WDFY4: variants seen among roughly 807,000 people sequenced by gnomAD.
The protein encoded by WDFY4 is WD repeat- and FYVE domain-containing protein 4.
WDFY4 carries 169 observed loss-of-function variants against 351.9 expected under a neutral mutation model. The ratio of observed to expected loss-of-function variants is 0.48; its 90% confidence interval spans 0.42 to 0.55. The LOEUF is 0.55. WDFY4 is among the 20% of genes least tolerant of loss of function. WDFY4 has a pLI of 0.00. For missense variants in WDFY4, 3,803 were observed against 3,935.6 expected, an observed-to-expected ratio of 0.97 and a Z score of 0.90; for synonymous variants, 1,622 against 1,574.6, an observed-to-expected ratio of 1.03 and a Z score of -0.71.
At chr10:48,750,364 TG>T (rs1039418022) in intron 12 of WDFY4, among the ~76,000 whole-genome samples, 4 of 152,230 alleles carry the variant, frequency 2.6e-5, no homozygotes, top group Admixed American at 1.3e-4. Context: ...CACACAGTTC[TG>T]GGGGTCCTGC....
chr10:48,820,108 C>T (rs892560216), intron 32 of WDFY4, 126 bp from the exon 33 acceptor site: 6 of 1,081,322 alleles, frequency 5.5e-6, no homozygotes, highest in Non-Finnish European at 8.1e-6. Context: ...CTTTCCTGTG[C>T]GGAGCCTCAA....
intron 47 of WDFY4, among the ~76,000 whole-genome samples, chr10:48,905,106 G>T (rs1837551413): frequency 6.6e-6 from 1 of 152,198 alleles, no homozygotes; most frequent in South Asian, 2.1e-4. Flanking sequence ...ATTCTGTAAT[G>T]TCACTCAGTG....
chr10:48,847,273 G>C (rs1406057958), intron 39 of WDFY4, among the ~76,000 whole-genome samples: 1 of 152,126 alleles, frequency 6.6e-6, no homozygotes, highest in Non-Finnish European at 1.5e-5. Context: ...CGTAGGATTA[G>C]GGCCCATCCT....
intron 12 of WDFY4, among the ~76,000 whole-genome samples, chr10:48,754,134 T>A (rs1030204947): frequency 6.6e-6 from 1 of 152,170 alleles, no homozygotes; most frequent in African/African-American, 2.4e-5. Flanking sequence ...TGACATATAA[T>A]CCTTTTAATA....
intron 39 of WDFY4, among the ~76,000 whole-genome samples, chr10:48,847,443 T>C (rs927061532): frequency 2.0e-5 from 3 of 152,182 alleles, no homozygotes; most frequent in Non-Finnish European, 4.4e-5. Flanking sequence ...CAGGGAAAGA[T>C]GTTTGCATGG....
chr10:48,697,421 A>G (rs1044797929), intron 1 of WDFY4, among the ~76,000 whole-genome samples: 4 of 152,200 alleles, frequency 2.6e-5, no homozygotes, highest in Admixed American at 2.0e-4. Flanking sequence ...GCCAACACTT[A>G]CACATGGCGC....
At chr10:48,866,003 C>A (rs955407130) in intron 39 of WDFY4, among the ~76,000 whole-genome samples, 5 of 151,906 alleles carry the variant, frequency 3.3e-5, no homozygotes, top group African/African-American at 1.2e-4. Context: ...CTAAAGACTG[C>A]CAATTTTATC....
chr10:48,849,888 G>C (rs2068900284), intron 39 of WDFY4, among the ~76,000 whole-genome samples: 1 of 152,130 alleles, frequency 6.6e-6, no homozygotes, highest in African/African-American at 2.4e-5. Context: ...AGTCTTCTCT[G>C]GTTTGTGACA....
chr10:48,934,864 G>A (rs1840255086), intron 47 of WDFY4, among the ~76,000 whole-genome samples: 1 of 152,122 alleles, frequency 6.6e-6, no homozygotes, highest in African/African-American at 2.4e-5. Flanking sequence ...AGAGGATCCC[G>A]TGTGATCCCC....
intron 8 of WDFY4, among the ~76,000 whole-genome samples, chr10:48,730,457 G>A (rs927231921): frequency 6.6e-6 from 1 of 152,236 alleles, no homozygotes; most frequent in Admixed American, 6.5e-5. Flanking sequence ...GCTGGAGGCA[G>A]GGAGCTTTCT....
chr10:48,941,605 C>A (rs967135391), intron 47 of WDFY4, among the ~76,000 whole-genome samples: 2 of 152,180 alleles, frequency 1.3e-5, no homozygotes, highest in African/African-American at 4.8e-5. Context: ...AAGAACCTAA[C>A]CTTCAGCAGG....
At chr10:48,710,980 G>A (rs2063754406) in intron 2 of WDFY4, among the ~76,000 whole-genome samples, 1 of 152,166 alleles carries the variant, frequency 6.6e-6, no homozygotes, top group Non-Finnish European at 1.5e-5. Context: ...CTATGGATTT[G>A]GGGTTATTTT....
chr10:48,797,720 G>A (rs1475322918), intron 24 of WDFY4, among the ~76,000 whole-genome samples: 1 of 152,070 alleles, frequency 6.6e-6, no homozygotes, highest in East Asian at 1.9e-4. Context: ...TATAAATTGT[G>A]TTATAGATGG....
intron 24 of WDFY4, among the ~76,000 whole-genome samples, chr10:48,801,872 G>A (rs2067099043): frequency 6.6e-6 from 1 of 152,070 alleles, no homozygotes; most frequent in Non-Finnish European, 1.5e-5. Flanking sequence ...CAAAGTCATG[G>A]GTAACTGCTT....
chr10:48,877,083 G>A lies in WDFY4; in HGVS notation c.7051G>A (p.Asp2351Asn). 1 of 1,540,252 alleles carries A rather than the reference G, an allele frequency of 6.5e-7. No homozygotes were observed. Among genetic ancestry groups the A allele is most frequent in the Non-Finnish European group, 8.8e-7 (1 of 1,140,522 alleles). The change falls in exon 43 of 62, where the codon GAC becomes AAC. Residue 2351 changes from aspartate (D) to asparagine (N), a missense_variant. By Grantham distance (23) the Asp-to-Asn change is conservative. Around this residue, in one of 3 missense-constraint regions of WDFY4, gnomAD observed 3,054 missense variants for 3,148.6 expected, o/e 0.97. Coordinates refer to ENST00000325239, the MANE Select transcript of WDFY4 (RefSeq NM_001394531.1). ...AEGEPDEVGV[D>N]CTQLTFFPAL... ...GGGCGAGCCGGACGAGGTGGGGGTG[G>A]ACTGCACCCAGCTGACCTTCTTCCC...
At chr10:48,810,211 C>T (rs988458389) in intron 28 of WDFY4, among the ~76,000 whole-genome samples, 8 of 152,186 alleles carry the variant, frequency 5.3e-5, no homozygotes, top group African/African-American at 1.9e-4. Flanking sequence ...TAGTCATCCA[C>T]TGTGTAAGTA....
rs1448269273 is a variant in WDFY4 at position 48,788,533 on chromosome 10, A to G, written c.3812A>G (p.Glu1271Gly). ...GTTTAAAGATGTGTTGTTACAGGGG[A>G]GGACCTGGACAGTGAAGCCACGCCC... is the stretch of plus-strand genomic sequence containing the variant. ...GNFQAVHVQG[E>G]DLDSEATPFV... The change falls in exon 21 of 62, where the codon GAG becomes GGG. Residue 1271 changes from glutamate (E) to glycine (G), a missense_variant. Around this residue, in one of 3 missense-constraint regions of WDFY4, gnomAD observed 3,054 missense variants for 3,148.6 expected, o/e 0.97. Coordinates refer to ENST00000325239, the MANE Select transcript of WDFY4 (RefSeq NM_001394531.1). 3.2e-6 allele frequency: 5 copies of G among 1,551,642 alleles called. No individual in the cohort carries two copies. Among genetic ancestry groups the G allele is most frequent in the Middle Eastern group, 1.7e-4 (1 of 6,000 alleles).
chr10:48,732,503 T>C (rs2064498592), intron 9 of WDFY4, among the ~76,000 whole-genome samples: 1 of 152,178 alleles, frequency 6.6e-6, no homozygotes, highest in African/African-American at 2.4e-5. Flanking sequence ...GTAATTCTGC[T>C]TCAGACTTAA....
chr10:48,919,165 G>T (rs919356351), intron 47 of WDFY4, among the ~76,000 whole-genome samples: 3 of 151,390 alleles, frequency 2.0e-5, no homozygotes, highest in African/African-American at 7.3e-5. Context: ...CAGATAGCCA[G>T]ACTGACAATT....
Sources: gnomAD v4.1 joint callset for allele counts (sites outside exome capture counted in the v4.1 genomes callset) on GRCh38, gnomAD v4.1.1 for gene constraint, gnomAD v4.1.1 regional missense constraint, MANE v1.5 for transcripts, NCBI Gene and HGNC (gene_info 2026-07-23, HGNC 2026-07-21) for gene names.